The following ARHGAP15 variants were observed in gnomAD, a reference collection of about 807,000 sequenced individuals.
The protein encoded by ARHGAP15 is rho GTPase-activating protein 15.
In ARHGAP15, 51 loss-of-function variants were observed where a neutral mutation model predicts 63.7. The observed-to-expected ratio is 0.80, with a 90% CI of 0.64 to 1.01. The LOEUF (loss-of-function observed/expected upper bound fraction) is 1.01. Among genes scored for constraint, ARHGAP15 ranks in the 50% least tolerant of loss-of-function variants. The probability of loss-of-function intolerance (pLI) is 0.00; values close to 1 mark genes in which losing one functional copy is unlikely to be tolerated. For missense variants in ARHGAP15, 560 were observed against 564.6 expected, an observed-to-expected ratio of 0.99 and a Z score of 0.08; for synonymous variants, 191 against 193.8, an observed-to-expected ratio of 0.99 and a Z score of 0.12.
chr2:143,198,162 G>A (rs573485220), intron 2 of ARHGAP15, among the ~76,000 whole-genome samples: 1 of 152,128 alleles, frequency 6.6e-6, no homozygotes, highest in East Asian at 1.9e-4. Context: ...AACCTTTTAA[G>A]GTTTGGGTGA....
intron 8 of ARHGAP15, among the ~76,000 whole-genome samples, chr2:143,437,693 C>T (rs1024019922): frequency 6.6e-6 from 1 of 152,164 alleles, no homozygotes; most frequent in African/African-American, 2.4e-5. Context: ...CAACACATAT[C>T]TCACTGAGTT....
At chr2:143,657,890 G>C (rs1277493910) in intron 12 of ARHGAP15, among the ~76,000 whole-genome samples, 1 of 152,128 alleles carries the variant, frequency 6.6e-6, no homozygotes, top group Non-Finnish European at 1.5e-5. Flanking sequence ...CAGTACCTCA[G>C]TCCTTCTGAT....
At chr2:143,297,634 A>T (rs1178261642) in intron 6 of ARHGAP15, among the ~76,000 whole-genome samples, 1 of 152,108 alleles carries the variant, frequency 6.6e-6, no homozygotes, top group East Asian at 1.9e-4. Flanking sequence ...GATGAATGTA[A>T]GGAGCACAGT....
intron 11 of ARHGAP15, among the ~76,000 whole-genome samples, chr2:143,582,298 G>T (rs914070679): frequency 4.6e-5 from 7 of 152,124 alleles, no homozygotes; most frequent in African/African-American, 1.7e-4. Context: ...GATCTCTGTC[G>T]GTTAGTGGAT....
At chr2:143,671,274 G>A (rs1052979545) in intron 12 of ARHGAP15, among the ~76,000 whole-genome samples, 1 of 151,992 alleles carries the variant, frequency 6.6e-6, no homozygotes, top group African/African-American at 2.4e-5. Context: ...ATCGCTGGGG[G>A]ATTTGCTTCT....
intron 2 of ARHGAP15, among the ~76,000 whole-genome samples, chr2:143,199,806 A>T (rs1386767527): frequency 6.6e-6 from 1 of 152,060 alleles, no homozygotes; most frequent in Non-Finnish European, 1.5e-5. Flanking sequence ...TCCCCAATGG[A>T]CACAGCCTAA....
Position 143,768,163 on chromosome 2 carries a change from G to A in ARHGAP15, c.1419G>A (p.Glu473=). ...AGTACAGTAAGATCTTCGGCTCAGA[G>A]GAAGACTGACAGACAAGACAAGCTA... ...LSEYSKIFGS[E]ED Residue 473 remains glutamate (E), a synonymous_variant, in exon 14 of 14, where the codon GAG becomes GAA. Transcript: ENST00000295095. 6.2e-7 allele frequency: 1 copy of A among 1,613,078 alleles called. No homozygotes were observed. The highest frequency in any genetic ancestry group is 8.5e-7 in the Non-Finnish European group (1 of 1,179,358).
chr2:143,232,940 G>A (rs2104922898), intron 5 of ARHGAP15, among the ~76,000 whole-genome samples: 1 of 151,808 alleles, frequency 6.6e-6, no homozygotes, highest in South Asian at 2.1e-4. Context: ...GATACACTTT[G>A]TTTCTGCTCT....
chr2:143,340,519 T>A (rs1427639228), intron 6 of ARHGAP15, among the ~76,000 whole-genome samples: 1 of 73,594 alleles, frequency 1.4e-5, no homozygotes, highest in Non-Finnish European at 3.4e-5. Context: ...TAATGGCAGA[T>A]TTTTTCTCTT....
chr2:143,185,479 C>A (rs1691404744), intron 2 of ARHGAP15, among the ~76,000 whole-genome samples: 1 of 152,178 alleles, frequency 6.6e-6, no homozygotes, highest in Admixed American at 6.5e-5. Flanking sequence ...AAACTGCAGT[C>A]TCCTCTAAGA....
At chr2:143,749,008 A>G (rs1008523927) in intron 13 of ARHGAP15, among the ~76,000 whole-genome samples, 7 of 152,160 alleles carry the variant, frequency 4.6e-5, no homozygotes, top group Admixed American at 4.6e-4. Context: ...GAGAGGGGGA[A>G]AAAAATACAC....
At chr2:143,332,110 TG>T (rs1207512810) in intron 6 of ARHGAP15, among the ~76,000 whole-genome samples, 2 of 152,176 alleles carry the variant, frequency 1.3e-5, no homozygotes, top group African/African-American at 4.8e-5. Context: ...TAAATAAAAT[TG>T]TACCCTTCCT....
chr2:143,653,525 G>T (rs1004783994), intron 12 of ARHGAP15, among the ~76,000 whole-genome samples: 1 of 152,032 alleles, frequency 6.6e-6, no homozygotes, highest in African/African-American at 2.4e-5. Context: ...GCATAAATTT[G>T]TTCATAATAT....
At chr2:143,252,002 GACCGGGAAAGCTCAGTGGTAGAGC>G in intron 6 of ARHGAP15, among the ~76,000 whole-genome samples, 1 of 152,108 alleles carries the variant, frequency 6.6e-6, no homozygotes, top group South Asian at 2.1e-4. Context: ...CTCTGAAGTA[GACCGGGAAAGCTCAGTGGTAGAGC>G]CTTATTATGT....
At chr2:143,427,046 T>G (rs1267883942) in intron 6 of ARHGAP15, among the ~76,000 whole-genome samples, 1 of 152,166 alleles carries the variant, frequency 6.6e-6, no homozygotes, top group African/African-American at 2.4e-5. Context: ...GTAAAGTATG[T>G]GAAAACCTGA....
chr2:143,364,993 G>A (rs7583012), intron 6 of ARHGAP15, among the ~76,000 whole-genome samples: 76,001 of 151,970 alleles, frequency 0.5, 19,883 homozygotes, highest in African/African-American at 0.66. Context: ...GCAACAGAGC[G>A]AGACTCTGTG....
At chr2:143,527,929 T>G (rs1400710826) in intron 10 of ARHGAP15, among the ~76,000 whole-genome samples, 2 of 152,046 alleles carry the variant, frequency 1.3e-5, no homozygotes, top group African/African-American at 4.8e-5. Context: ...GGTCTGTAAA[T>G]CCACTTTTTA....
chr2:143,469,121 C>A (rs562942102), intron 8 of ARHGAP15, among the ~76,000 whole-genome samples: 20 of 152,078 alleles, frequency 1.3e-4, no homozygotes, highest in Admixed American at 4.6e-4. Context: ...ACTTTAGAAG[C>A]TTTATAACTG....
intron 6 of ARHGAP15, among the ~76,000 whole-genome samples, chr2:143,305,101 A>G (rs1285652706): frequency 2.6e-5 from 4 of 152,148 alleles, no homozygotes; most frequent in Non-Finnish European, 5.9e-5. Flanking sequence ...GATAGACTGC[A>G]TAAAGAAAAT....
Sources: gnomAD v4.1 joint callset for allele counts (sites outside exome capture counted in the v4.1 genomes callset) on GRCh38, gnomAD v4.1.1 for gene constraint, MANE v1.5 for transcripts, NCBI Gene and HGNC (gene_info 2026-07-23, HGNC 2026-07-21) for gene names.